The following GTF2A1 variants were observed in gnomAD, a reference collection of about 807,000 sequenced individuals.
GTF2A1 encodes transcription initiation factor IIA subunit 1.
GTF2A1 carries 12 observed loss-of-function variants against 54.1 expected under a neutral mutation model. The observed-to-expected ratio is 0.22, with a 90% CI of 0.14 to 0.36. The LOEUF (loss-of-function observed/expected upper bound fraction) is 0.36, where lower values mean the gene tolerates loss of function less well. Ranked by LOEUF, GTF2A1 falls within the 10% of genes least tolerant of loss-of-function variation. GTF2A1 has a pLI of 1.00. For missense variants in GTF2A1, 335 were observed against 442.2 expected (o/e 0.76, Z 2.17); for synonymous variants, 145 against 152.0 (o/e 0.95, Z 0.34).
chr14:81,208,398 T>C (rs1893288929), intron 2 of GTF2A1, among the ~76,000 whole-genome samples: 2 of 152,190 alleles, frequency 1.3e-5, no homozygotes, highest in Non-Finnish European at 2.9e-5. Flanking sequence ...TTTCAGAAGA[T>C]GTATGGAAAC....
chr14:81,192,241 A>C (rs1892890506), intron 7 of GTF2A1, among the ~76,000 whole-genome samples: 1 of 152,212 alleles, frequency 6.6e-6, no homozygotes, highest in South Asian at 2.1e-4. Flanking sequence ...AGCCAGAGTT[A>C]GAATTACCTG....
chr14:81,215,185 A>T (rs1322970777), intron 2 of GTF2A1, among the ~76,000 whole-genome samples: 4 of 152,190 alleles, frequency 2.6e-5, no homozygotes, highest in African/African-American at 7.2e-5. Flanking sequence ...CAAACAATCA[A>T]ATTTCTTAAT....
chr14:81,206,495 C>A (rs1273804536), intron 2 of GTF2A1, among the ~76,000 whole-genome samples: 4 of 152,220 alleles, frequency 2.6e-5, no homozygotes, highest in African/African-American at 9.6e-5. Flanking sequence ...AAATGCTCGA[C>A]CTTACAGAGC....
intron 6 of GTF2A1, 81 bp from the exon 7 acceptor site, chr14:81,192,920 G>A: frequency 1.2e-6 from 1 of 811,392 alleles, no homozygotes; most frequent in Admixed American, 2.3e-5. Context: ...AAATGCTTAA[G>A]ATTCACCAGA....
chr14:81,185,943 C>CCCGGCTTCGAGCAATTCT (rs1310662098), intron 7 of GTF2A1, among the ~76,000 whole-genome samples: 1 of 152,226 alleles, frequency 6.6e-6, no homozygotes, highest in African/African-American at 2.4e-5. Context: ...ACCTCTGCCT[C>CCCGGCTTCGAGCAATTCT]CCGGCTTCGA....
At chr14:81,207,762 T>C (rs549948404) in intron 2 of GTF2A1, among the ~76,000 whole-genome samples, 13 of 152,334 alleles carry the variant, frequency 8.5e-5, no homozygotes, top group South Asian at 2.1e-4. Context: ...AGGAACTTGT[T>C]AGGAACTGAA....
chr14:81,208,800 G>A (rs146170778), intron 2 of GTF2A1, among the ~76,000 whole-genome samples: 176 of 152,292 alleles, frequency 1.2e-3, no homozygotes, highest in East Asian at 4.2e-3. Context: ...GAGTTTTAAC[G>A]TAAGACTGCC....
At chr14:81,195,134 T>A (rs1220870405) in intron 6 of GTF2A1, among the ~76,000 whole-genome samples, 27 of 100,526 alleles carry the variant, frequency 2.7e-4, no homozygotes, top group Non-Finnish European at 3.7e-4. Context: ...AGACTCTGTC[T>A]CAAAAAAAAA....
In GTF2A1 at chr14:81,192,752, G is replaced by C; in HGVS notation, c.700C>G (p.Gln234Glu). The C allele has an allele frequency of 6.2e-7, 1 of 1,613,006 alleles. No individual in the cohort carries two copies. Among genetic ancestry groups the C allele is most frequent in the Non-Finnish European group, 8.5e-7 (1 of 1,178,946 alleles). Residue 234 changes from glutamine (Q) to glutamate (E), a missense_variant, in exon 7 of 9, where the codon CAA (glutamine) becomes GAA (glutamate). This residue lies in a region of GTF2A1 where 306 missense variants were observed against 360.4 expected (regional missense o/e 0.85). Coordinates refer to ENST00000553612, the MANE Select transcript of GTF2A1 (RefSeq NM_015859.4). ...GCTGCCACTGTCGTAGGTATAACTTGAGTCTTATTTCCTGTAAATAAGATT... is the reference window on the plus strand; with the variant it reads ...GCTGCCACTGTCGTAGGTATAACTTCAGTCTTATTTCCTGTAAATAAGATT... The part of the protein sequence containing the change: ...QQILFTGNKT[Q>E]VIPTTVAAPT...
chr14:81,202,268 C>T (rs1244756792), intron 3 of GTF2A1, among the ~76,000 whole-genome samples: 1 of 152,172 alleles, frequency 6.6e-6, no homozygotes, highest in African/African-American at 2.4e-5. Context: ...TTTGTCTTAA[C>T]TCAAGGTTAA....
chr14:81,221,060 G>A (rs1283186041), upstream of GTF2A1: 41 of 153,248 alleles, frequency 2.7e-4, 2 homozygotes, highest in South Asian at 7.0e-3. Flanking sequence ...CGCCGGGGCG[G>A]AGGCCGCCGG....
At chr14:81,202,651 CA>C (rs760560308) in intron 3 of GTF2A1, 13 of 514,044 alleles carry the variant, frequency 2.5e-5, no homozygotes, top group South Asian at 1.4e-4. Context: ...GGAAAAAATA[CA>C]AATCAGAAAT....
chr14:81,189,306 G>A (rs931579364), intron 7 of GTF2A1, among the ~76,000 whole-genome samples: 4 of 152,104 alleles, frequency 2.6e-5, no homozygotes, highest in Non-Finnish European at 4.4e-5. Context: ...AAGGAAAAAT[G>A]GCAGAAAAAC....
In GTF2A1 at chr14:81,176,837, AAG is replaced by A. The variant is rs958069482; in HGVS notation, c.*3384_*3385del. 1.6e-4 allele frequency: 25 copies of A among 152,056 alleles called. No homozygotes were observed. Among genetic ancestry groups the A allele is most frequent in the African/African-American group, 5.5e-4 (23 of 41,468 alleles). The allele number at this position is 152,056 out of a possible 1,614,324, so 9.4% of individuals were successfully genotyped here. On this transcript the variant is annotated 3_prime_UTR_variant, in exon 9 of 9. Transcript: ENST00000553612. ...TTACATTGCACAAAAGCTTAAAAAA[AAG>A]AAAGTTCAAGATGAAATAATCGGAA...
intron 5 of GTF2A1, among the ~76,000 whole-genome samples, chr14:81,196,872 TAACA>T (rs1165883616): frequency 6.6e-6 from 1 of 152,074 alleles, no homozygotes; most frequent in Non-Finnish European, 1.5e-5. Flanking sequence ...TTAACAAAAA[TAACA>T]TACACAGAAT....
chr14:81,219,557 C>T (rs1893564825), intron 1 of GTF2A1, among the ~76,000 whole-genome samples: 1 of 152,220 alleles, frequency 6.6e-6, no homozygotes, highest in African/African-American at 2.4e-5. Flanking sequence ...ATGGTTAGAC[C>T]CGAGTCGCCA....
intron 4 of GTF2A1, among the ~76,000 whole-genome samples, chr14:81,197,846 A>AT (rs959827400): frequency 6.6e-6 from 1 of 152,172 alleles, no homozygotes; most frequent in Admixed American, 6.5e-5. Context: ...CAATACCCAC[A>AT]TTAACAATGC....
chr14:81,206,945 C>T (rs773561290), intron 2 of GTF2A1, among the ~76,000 whole-genome samples: 3 of 152,144 alleles, frequency 2.0e-5, no homozygotes, highest in African/African-American at 4.8e-5. Context: ...TACACACATA[C>T]ACTGGCGCAT....
intron 2 of GTF2A1, among the ~76,000 whole-genome samples, chr14:81,212,627 G>A (rs1433248462): frequency 2.6e-5 from 4 of 152,134 alleles, no homozygotes; most frequent in African/African-American, 9.7e-5. Context: ...TTGTAAAATG[G>A]CCCCAGAAAG....
Sources: gnomAD v4.1 joint callset for allele counts (sites outside exome capture counted in the v4.1 genomes callset) on GRCh38, gnomAD v4.1.1 for gene constraint, gnomAD v4.1.1 regional missense constraint, MANE v1.5 for transcripts, NCBI Gene and HGNC (gene_info 2026-07-23, HGNC 2026-07-21) for gene names.